Variants in PCDHA12 observed in about 807,000 individuals in gnomAD.
PCDHA12 encodes protocadherin alpha 12, also known as protocadherin alpha-12.
A neutral mutation model predicts 60.0 loss-of-function variants in PCDHA12; 44 were observed. The observed-to-expected ratio is 0.73, with a 90% CI of 0.58 to 0.94. PCDHA12 has a LOEUF of 0.94. Ranked by LOEUF, PCDHA12 falls within the 40% of genes least tolerant of loss-of-function variation. The probability of loss-of-function intolerance (pLI) is 0.00; values close to 1 mark genes in which losing one functional copy is unlikely to be tolerated. For synonymous variants in PCDHA12, 569 were observed against 553.0 expected (o/e 1.03, Z -0.40); for missense variants, 1,276 against 1,239.7 (o/e 1.03, Z -0.44).
intron 1 of PCDHA12, chr5:140,882,820 C>G (rs782663593): frequency 1.2e-6 from 2 of 1,614,102 alleles, no homozygotes; most frequent in African/African-American, 2.7e-5. Flanking sequence ...ACGCACAAAA[C>G]AGTCTTGAGC....
At chr5:140,981,977 G>A (rs1321410399) in intron 2 of PCDHA12, among the ~76,000 whole-genome samples, 1 of 152,128 alleles carries the variant, frequency 6.6e-6, no homozygotes, top group African/African-American at 2.4e-5. Context: ...TATAGAAAGA[G>A]TAAAATAGAA....
At chr5:141,009,511 G>C in intron 3 of PCDHA12, 116 bp from the exon 4 acceptor site, 2 of 1,498,174 alleles carry the variant, frequency 1.3e-6, no homozygotes, top group Non-Finnish European at 1.8e-6. Context: ...CAAACAACTC[G>C]TGATTTTTCT....
intron 1 of PCDHA12, among the ~76,000 whole-genome samples, chr5:140,931,196 A>T (rs1279027493): frequency 1.3e-5 from 2 of 152,182 alleles, no homozygotes; most frequent in Non-Finnish European, 2.9e-5. Flanking sequence ...GTGCACTACA[A>T]TGCTAGTATT....
chr5:140,973,209 C>T (rs1273068326), intron 1 of PCDHA12, among the ~76,000 whole-genome samples: 4 of 152,100 alleles, frequency 2.6e-5, no homozygotes, highest in Non-Finnish European at 4.4e-5. Flanking sequence ...GCATATTCAC[C>T]CTAATTCCAG....
chr5:140,941,214 C>CTTTCT (rs1554214039), intron 1 of PCDHA12, among the ~76,000 whole-genome samples: 174 of 122,492 alleles, frequency 1.4e-3, no homozygotes, highest in African/African-American at 5.3e-3. Flanking sequence ...TTTCTTTCTT[C>CTTTCT]CTTTCTTTCT....
intron 1 of PCDHA12, chr5:140,883,598 G>A: frequency 6.2e-7 from 1 of 1,614,008 alleles, no homozygotes; most frequent in Middle Eastern, 1.7e-4. Context: ...CGTGTCGGTG[G>A]GGGTGGCCGA....
chr5:140,906,962 C>T (rs1554192812), intron 1 of PCDHA12, among the ~76,000 whole-genome samples: 2 of 152,146 alleles, frequency 1.3e-5, no homozygotes, highest in South Asian at 4.1e-4. Context: ...TTAATGGAAT[C>T]GTGGTTGTGT....
intron 1 of PCDHA12, among the ~76,000 whole-genome samples, chr5:140,934,801 A>G (rs1470129792): frequency 1.3e-5 from 2 of 152,194 alleles, no homozygotes; most frequent in Non-Finnish European, 2.9e-5. Flanking sequence ...TATCTTTTTA[A>G]TGATCAAATT....
chr5:140,889,424 A>G (rs2062220483), intron 1 of PCDHA12, among the ~76,000 whole-genome samples: 1 of 151,956 alleles, frequency 6.6e-6, no homozygotes, highest in African/African-American at 2.4e-5. Context: ...CGTAGATAAT[A>G]TTTTTTCAGG....
In PCDHA12 at chr5:140,998,286, A is replaced by G. The variant is rs913397915; in HGVS notation, c.2516-11341A>G. Among the ~76,000 whole-genome samples, 51 of 152,230 alleles carry G rather than the reference A, an allele frequency of 3.4e-4. 1 individual carries two copies. Among genetic ancestry groups the G allele is most frequent in the Non-Finnish European group, 1.5e-5 (1 of 68,044 alleles). On this transcript the variant is annotated intron_variant, in intron 3 of 3. Coordinates refer to ENST00000398631, the MANE Select transcript of PCDHA12 (RefSeq NM_018903.4). ...AAACTGACACCCATAGGATTAAATC[A>G]GATCACACATTTAGTAAGGGCACCA...
intron 3 of PCDHA12, among the ~76,000 whole-genome samples, chr5:141,003,860 G>T (rs1224171720): frequency 6.6e-6 from 1 of 152,136 alleles, no homozygotes; most frequent in African/African-American, 2.4e-5. Flanking sequence ...ATTTATATGT[G>T]TCTGAAATCC....
At chr5:140,999,845 T>G (rs1293721817) in intron 3 of PCDHA12, among the ~76,000 whole-genome samples, 1 of 152,188 alleles carries the variant, frequency 6.6e-6, no homozygotes, top group Non-Finnish European at 1.5e-5. Flanking sequence ...CAAGTGTATT[T>G]ATCTCTTCCG....
At chr5:140,954,287 TG>T (rs1353316805) in intron 1 of PCDHA12, among the ~76,000 whole-genome samples, 1 of 152,248 alleles carries the variant, frequency 6.6e-6, no homozygotes, top group Non-Finnish European at 1.5e-5. Flanking sequence ...TATATTCCTT[TG>T]GGTACATACC....
chr5:140,999,885 G>A (rs1250861955), intron 3 of PCDHA12, among the ~76,000 whole-genome samples: 1 of 152,200 alleles, frequency 6.6e-6, no homozygotes, highest in Non-Finnish European at 1.5e-5. Context: ...TAGCCCAGCT[G>A]TAGCTTGGGA....
At chr5:140,891,223 C>T (rs903810382) in intron 1 of PCDHA12, among the ~76,000 whole-genome samples, 19 of 152,110 alleles carry the variant, frequency 1.2e-4, no homozygotes, top group Non-Finnish European at 2.2e-4. Flanking sequence ...TCTTTATAAT[C>T]ATCCTGTTCT....
chr5:140,940,841 C>T (rs246072), intron 1 of PCDHA12, among the ~76,000 whole-genome samples: 86,358 of 151,986 alleles, frequency 0.57, 25,200 homozygotes, highest in African/African-American at 0.71. Context: ...CCTTTCTTCA[C>T]GATAGATTTT....
At chr5:140,967,749 C>T (rs1554229896) in intron 1 of PCDHA12, 1 of 1,614,172 alleles carries the variant, frequency 6.2e-7, no homozygotes, top group African/African-American at 1.3e-5. Context: ...TATGAGGAAG[C>T]CTCCTCCTAC....
At chr5:140,976,688 G>T (rs1343503965) in intron 1 of PCDHA12, among the ~76,000 whole-genome samples, 2 of 152,118 alleles carry the variant, frequency 1.3e-5, no homozygotes, top group East Asian at 3.8e-4. Context: ...TGCAATTTAA[G>T]TACAATAATG....
At chr5:140,882,343 G>T (rs1554173636) in intron 1 of PCDHA12, 1 of 1,614,198 alleles carries the variant, frequency 6.2e-7, no homozygotes, top group Admixed American at 1.7e-5. Context: ...CAGCCTGGGA[G>T]ACGGGTAGTG....
Sources: allele counts gnomAD v4.1 joint callset (sites outside exome capture counted in the v4.1 genomes callset), GRCh38; gene constraint gnomAD v4.1.1; transcripts MANE v1.5; gene names NCBI Gene and HGNC (gene_info 2026-07-23, HGNC 2026-07-21).